CYP4F12: variants seen among roughly 807,000 people sequenced by gnomAD.
CYP4F12 encodes the protein cytochrome P450 4F12.
In CYP4F12, 60 loss-of-function variants were observed where a neutral mutation model predicts 56.5. The ratio of observed to expected loss-of-function variants is 1.06; its 90% CI spans 0.86 to 1.32. The LOEUF is 1.32. CYP4F12 is among the 40% of genes most tolerant of loss of function. CYP4F12 has a pLI of 0.00. For missense variants in CYP4F12, 711 were observed against 683.5 expected (o/e 1.04, Z -0.45); for synonymous variants, 263 against 264.9 (o/e 0.99, Z 0.07).
chr19:15,696,823 T>C (rs527996990), intron 12 of CYP4F12, 85 bp from the exon 13 acceptor site: 9 of 1,483,290 alleles, frequency 6.1e-6, no homozygotes, highest in East Asian at 4.8e-5. Flanking sequence ...CTGGGTGCAG[T>C]TGGGGGTCCC....
chr19:15,696,155 C>T lies in CYP4F12; in HGVS notation c.1250-6C>T. The T allele has an allele frequency of 3.1e-6, 5 of 1,613,616 alleles. No homozygotes were observed. The highest frequency in any genetic ancestry group is 2.5e-6 in the Non-Finnish European group (3 of 1,179,668). On this transcript the variant is annotated splice_region_variant and splice_polypyrimidine_tract_variant and intron_variant, in intron 10 of 12. Coordinates refer to ENST00000550308, the MANE Select transcript of CYP4F12 (RefSeq NM_023944.4). The stretch of plus-strand genomic sequence containing the variant: ...CTTGTCCTGACTGCCCCTTTCTCTC[C>T]CACAGGCATTACCTGCCTCATCGAT...
chr19:15,676,489 T>C (rs183939170), intron 2 of CYP4F12, among the ~76,000 whole-genome samples: 2,423 of 11,206 alleles, frequency 0.22, 928 homozygotes, highest in East Asian at 0.89. Flanking sequence ...ACTCATTCCT[T>C]TTCTCACTCA....
intron 3 of CYP4F12, among the ~76,000 whole-genome samples, chr19:15,678,995 T>A (rs531728846): frequency 1.3e-5 from 2 of 152,198 alleles, no homozygotes; most frequent in Non-Finnish European, 2.9e-5. Flanking sequence ...CCACCCTAAG[T>A]TTCCTGCTCT....
intron 2 of CYP4F12, among the ~76,000 whole-genome samples, chr19:15,675,499 C>G (rs2006873477): frequency 6.6e-6 from 1 of 152,202 alleles, no homozygotes; most frequent in Non-Finnish European, 1.5e-5. Flanking sequence ...GATATGGCAA[C>G]CAGCTCTAGG....
chr19:15,685,504 G>GT (rs1353806203), intron 9 of CYP4F12, among the ~76,000 whole-genome samples: 1 of 152,182 alleles, frequency 6.6e-6, no homozygotes, highest in African/African-American at 2.4e-5. Context: ...AGAAATATCA[G>GT]TTTTTTCGAA....
rs771239208 is a variant in CYP4F12 at position 15,696,403 on chromosome 19, G to A, written c.1315-27G>A. ...GCTGCTGGACATAGGAAATCCCACT[G>A]GCAAACCTTCTTTGTCTCACCTGCA... On this transcript the variant is annotated intron_variant, in intron 11 of 12. Transcript: ENST00000550308. 9.3e-6 allele frequency: 15 copies of A among 1,613,860 alleles called. 1 individual carries two copies. The highest frequency in any genetic ancestry group is 3.3e-4 in the Middle Eastern group (2 of 6,084).
At chr19:15,684,977 T>G in intron 8 of CYP4F12, 91 bp from the exon 9 acceptor site, 1 of 1,569,588 alleles carries the variant, frequency 6.4e-7, no homozygotes, top group Non-Finnish European at 8.7e-7. Context: ...TCTGCCCATC[T>G]TCCCCCTCCC....
rs1193977974 is a variant in CYP4F12 at position 15,696,202 on chromosome 19, C to G, written c.1291C>G (p.Pro431Ala). The G allele has an allele frequency of 6.2e-7, 1 of 1,614,134 alleles. No individual in the cohort carries two copies. Among genetic ancestry groups the G allele is most frequent in the African/African-American group, 1.3e-5 (1 of 75,042 alleles). ...CGATATTATAGGGGTCCATCACAAC[C>G]CAACTGTGTGGCCGGATCCTGAGGT... Reference protein sequence around the residue: ...LIDIIGVHHNPTVWPDPEVYD... With the variant: ...LIDIIGVHHNATVWPDPEVYD... Residue 431 changes from proline (P) to alanine (A), a missense_variant, in exon 11 of 13, where the codon CCA becomes GCA. Transcript: ENST00000550308.
At chr19:15,696,623 A>C in intron 12 of CYP4F12, 111 bp downstream of exon 12, 1 of 1,334,484 alleles carries the variant, frequency 7.5e-7, no homozygotes, top group Non-Finnish European at 1.0e-6. Flanking sequence ...CCATTCCTTC[A>C]CAGTTTATGG....
chr19:15,682,641 GA>G, intron 6 of CYP4F12, 131 bp downstream of exon 6: 1 of 1,369,210 alleles, frequency 7.3e-7, no homozygotes, highest in Non-Finnish European at 1.0e-6. Context: ...TTTGAAGGTC[GA>G]GGAAGAGGAG....
At position 15,680,471 on chromosome 19, in the gene CYP4F12, C is replaced by T. The variant is rs765101244; in HGVS notation, c.477C>T (p.Ile159=). Residue 159 remains isoleucine (I), a synonymous_variant, in exon 5 of 13, where the codon ATC becomes ATT. Coordinates refer to ENST00000550308, the MANE Select transcript of CYP4F12 (RefSeq NM_023944.4). ...TGACGCCCGCCTTCCATTTCAACAT[C>T]CTGAAGTCCTATATAACGATCTTCA... ...RMLTPAFHFN[I]LKSYITIFNK... is the part of the protein sequence containing the mutation. 1 of 1,614,180 alleles carries T rather than the reference C, an allele frequency of 6.2e-7. No homozygotes were observed. The highest frequency in any genetic ancestry group is 1.7e-5 in the Admixed American group (1 of 60,024).
rs774680825 is a variant in CYP4F12 at position 15,696,945 on chromosome 19, A to G, written c.1435A>G (p.Lys479Glu). The G allele has an allele frequency of 2.5e-6, 4 of 1,613,968 alleles. No individual in the cohort carries two copies. The highest frequency in any genetic ancestry group is 3.4e-6 in the Non-Finnish European group (4 of 1,179,970). Residue 479 changes from lysine to glutamate, a missense_variant, in exon 13 of 13, where the codon AAA (lysine) becomes GAA (glutamate). Physicochemically the swap from Lys to Glu is moderately conservative, Grantham distance 56. Coordinates refer to ENST00000550308, the MANE Select transcript of CYP4F12 (RefSeq NM_023944.4). ...GCAGGCGTTCGCCATGGCGGAGATG[A>G]AAGTGGTCCTGGCGTTGATGCTGCT... ...IGQAFAMAEM[K>E]VVLALMLLHF...
chr19:15,680,454 G>T lies in CYP4F12; in HGVS notation c.460G>T (p.Ala154Ser). 6.2e-7 allele frequency: 1 copy of T among 1,614,100 alleles called. No individual in the cohort carries two copies. The highest frequency in any genetic ancestry group is 8.5e-7 in the Non-Finnish European group (1 of 1,180,004). ...WSRHRRMLTPAFHFNILKSYI... is the reference protein window; with the variant it reads ...WSRHRRMLTPSFHFNILKSYI... The stretch of plus-strand genomic sequence containing the variant: ...CCGCCACCGTCGGATGCTGACGCCC[G>T]CCTTCCATTTCAACATCCTGAAGTC... The change falls in exon 5 of 13, where the codon GCC (alanine) becomes TCC (serine). Residue 154 changes from alanine to serine, a missense_variant. Coordinates refer to ENST00000550308, the MANE Select transcript of CYP4F12 (RefSeq NM_023944.4).
chr19:15,683,972 T>C (rs2007459625), intron 7 of CYP4F12: 1 of 485,780 alleles, frequency 2.1e-6, no homozygotes, highest in African/African-American at 2.0e-5. Context: ...GCATGATATT[T>C]TATTCAACTT....
intron 9 of CYP4F12, among the ~76,000 whole-genome samples, chr19:15,686,489 G>A (rs1246521126): frequency 6.6e-6 from 1 of 152,124 alleles, no homozygotes; most frequent in African/African-American, 2.4e-5. Flanking sequence ...GGAGAAGTAA[G>A]AGGGAGGAAA....
intron 7 of CYP4F12, 103 bp downstream of exon 7, chr19:15,683,866 GAAGATGCTTGAGA>G: frequency 1.4e-6 from 2 of 1,422,316 alleles, no homozygotes; most frequent in Non-Finnish European, 1.9e-6. Context: ...GGGAGCCATG[GAAGATGCTTGAGA>G]AAGGGAAGGT....
At chr19:15,678,636 G>C in intron 3 of CYP4F12, 1 of 512,870 alleles carries the variant, frequency 1.9e-6, no homozygotes, top group Non-Finnish European at 3.5e-6. Context: ...TAAGGACACG[G>C]GTCTAGACAG....
chr19:15,683,938 CTGCTAATT>C, intron 7 of CYP4F12, 175 bp downstream of exon 7: 1 of 657,664 alleles, frequency 1.5e-6, no homozygotes, highest in Non-Finnish European at 2.4e-6. Flanking sequence ...CCACAGGGCA[CTGCTAATT>C]CTGAAACTGT....
rs1477665237 is a variant in CYP4F12 at position 15,673,383 on chromosome 19, T to C, written c.-1-146T>C. ...GTTGTTGGTTTTGGTTGGGACTTTC[T>C]GGACTTCAGATCTCAGCCCTCGTTT... On this transcript the variant is annotated intron_variant, in intron 1 of 12. Transcript: ENST00000550308. 9 of 885,192 alleles carry C rather than the reference T, an allele frequency of 1.0e-5. No individual in the cohort carries two copies. The Admixed American group carries it at 1.6e-4, about 15-fold the overall frequency. 54.8% of individuals were successfully genotyped at this position (885,192 alleles called of 1,614,324 possible).
Sources: allele counts gnomAD v4.1 joint callset (sites outside exome capture counted in the v4.1 genomes callset), GRCh38; gene constraint gnomAD v4.1.1; transcripts MANE v1.5; gene names NCBI Gene and HGNC (gene_info 2026-07-23, HGNC 2026-07-21).